Variants in ACSM6 observed in about 807,000 individuals in gnomAD.
ACSM6 encodes the protein acyl-CoA synthetase medium chain family member 6.
Under a neutral mutation model 51.1 loss-of-function variants are expected in ACSM6, and 35 were observed. That is an observed-to-expected ratio of 0.69 (90% CI 0.52 to 0.91). The LOEUF is 0.91. Ranked by LOEUF, ACSM6 falls within the 40% of genes least tolerant of loss-of-function variation. ACSM6 has a pLI of 0.00. For missense variants in ACSM6, 509 were observed against 584.1 expected, an observed-to-expected ratio of 0.87 and a Z score of 1.32; for synonymous variants, 172 against 207.3, an observed-to-expected ratio of 0.83 and a Z score of 1.46.
At chr10:95,222,356 C>T (rs982878691) in intron 9 of ACSM6, among the ~76,000 whole-genome samples, 1 of 152,130 alleles carries the variant, frequency 6.6e-6, no homozygotes, top group African/African-American at 2.4e-5. Context: ...GGCAAGGTGG[C>T]TTACACCCGT....
intron 9 of ACSM6, among the ~76,000 whole-genome samples, chr10:95,220,716 T>TTTG (rs1355146368): frequency 4.6e-5 from 7 of 152,204 alleles, no homozygotes; most frequent in African/African-American, 1.7e-4. Context: ...AGTTCTATTT[T>TTTG]TTGTTTTTTG....
intron 3 of ACSM6, 60 bp downstream of exon 3, chr10:95,202,255 A>T: frequency 7.3e-7 from 1 of 1,362,414 alleles, no homozygotes. Context: ...AGCCTCAGTT[A>T]TTCACAGAAT....
At position 95,218,317 on chromosome 10, in the gene ACSM6, C is replaced by G. The variant is rs565287930; in HGVS notation, c.1120-1574C>G. Among the ~76,000 whole-genome samples, 3 of 152,260 alleles carry G rather than the reference C, an allele frequency of 2.0e-5. No homozygotes were observed. In the East Asian group the frequency reaches 5.8e-4, roughly 29 times the overall value. ...GCTAAGGAGTCTTGTGTTTTGTGAG[C>G]ATTATTTGGGATGCAAGTGATGGAA... is the stretch of plus-strand genomic sequence containing the variant. On this transcript the variant is annotated intron_variant, in intron 8 of 10. Transcript: ENST00000341686.
At chr10:95,204,333 C>G (rs943671389) in intron 3 of ACSM6, among the ~76,000 whole-genome samples, 2 of 152,116 alleles carry the variant, frequency 1.3e-5, no homozygotes, top group African/African-American at 2.4e-5. Flanking sequence ...GGGAGGATCA[C>G]CTGAGGTGAG....
exon 9 of ACSM6, chr10:95,219,901 G>A: frequency 7.4e-6 from 12 of 1,613,552 alleles, no homozygotes; most frequent in Non-Finnish European, 1.0e-5. Flanking sequence ...GGTCTACTCT[G>A]TGCCACTTCC....
intron 4 of ACSM6, among the ~76,000 whole-genome samples, chr10:95,208,656 C>T (rs923366530): frequency 6.6e-6 from 1 of 152,146 alleles, no homozygotes; most frequent in Non-Finnish European, 1.5e-5. Context: ...ACAGAGATCA[C>T]ATTTGCATAA....
chr10:95,228,854 C>T (rs775299024), exon 11 of ACSM6: 580 of 1,337,974 alleles, frequency 4.3e-4, no homozygotes, highest in Non-Finnish European at 5.3e-4. Flanking sequence ...GCTTCCAATA[C>T]GTAGGAATTA....
intron 3 of ACSM6, among the ~76,000 whole-genome samples, chr10:95,202,938 CAAAAAAAA>C (rs35376103): frequency 4.7e-5 from 4 of 85,922 alleles, no homozygotes; most frequent in African/African-American, 1.8e-4. Context: ...GGCTCTGTCT[CAAAAAAAA>C]AAAAAAAAAA....
chr10:95,200,125 T>C (rs547455576), intron 2 of ACSM6, among the ~76,000 whole-genome samples: 1 of 152,142 alleles, frequency 6.6e-6, no homozygotes, highest in South Asian at 2.1e-4. Context: ...AGACTGGATT[T>C]AGAAAATGTG....
At chr10:95,223,914 C>T (rs2035015909) in intron 9 of ACSM6, among the ~76,000 whole-genome samples, 1 of 152,142 alleles carries the variant, frequency 6.6e-6, no homozygotes, top group African/African-American at 2.4e-5. Flanking sequence ...GGAATACACA[C>T]ACACTATTAG....
At chr10:95,224,480 G>T (rs1436242198) in intron 9 of ACSM6, among the ~76,000 whole-genome samples, 1 of 152,150 alleles carries the variant, frequency 6.6e-6, no homozygotes, top group Non-Finnish European at 1.5e-5. Context: ...GCAATGGCAT[G>T]ATCTTGGCCT....
intron 10 of ACSM6, among the ~76,000 whole-genome samples, chr10:95,227,485 T>C (rs1474985927): frequency 1.3e-5 from 2 of 152,226 alleles, no homozygotes; most frequent in African/African-American, 2.4e-5. Flanking sequence ...GGTAAAACGT[T>C]TTAAATATTT....
intron 9 of ACSM6, among the ~76,000 whole-genome samples, chr10:95,221,586 C>CA (rs373972717): frequency 3.4e-5 from 5 of 146,246 alleles, no homozygotes; most frequent in African/African-American, 5.1e-5. Context: ...AACTCCATCT[C>CA]AAAAAAAAAG....
exon 5 of ACSM6, chr10:95,210,682 C>A (rs777061002): frequency 1.1e-5 from 17 of 1,613,758 alleles, no homozygotes; most frequent in Middle Eastern, 3.3e-4. Context: ...TACATGAGGA[C>A]CAAAAGCCAA....
chr10:95,219,829 T>C (rs2034979500), intron 8 of ACSM6, 62 bp from the exon 9 acceptor site: 3 of 1,243,884 alleles, frequency 2.4e-6, no homozygotes, highest in African/African-American at 1.5e-5. Context: ...TTATGATCAA[T>C]AACTAGATCC....
intron 7 of ACSM6, among the ~76,000 whole-genome samples, chr10:95,213,569 A>C (rs887082957): frequency 6.6e-6 from 1 of 152,190 alleles, no homozygotes; most frequent in Admixed American, 6.5e-5. Flanking sequence ...ATTTTTAATC[A>C]TTGCATAGTA....
intron 2 of ACSM6, among the ~76,000 whole-genome samples, chr10:95,200,621 A>G (rs184893185): frequency 1.0e-5 from 1 of 95,516 alleles, no homozygotes; most frequent in East Asian, 2.0e-4. Flanking sequence ...GAAGGAGAAG[A>G]AGAAGAAGAC....
At chr10:95,213,797 A>G (rs2034918899) in intron 7 of ACSM6, among the ~76,000 whole-genome samples, 1 of 152,230 alleles carries the variant, frequency 6.6e-6, no homozygotes, top group South Asian at 2.1e-4. Flanking sequence ...CTAAATAATC[A>G]TTTAAGTGTA....
chr10:95,212,729 G>A (rs376530375), intron 6 of ACSM6, 129 bp from the exon 7 acceptor site: 4 of 678,032 alleles, frequency 5.9e-6, no homozygotes. Context: ...GAGATAAAAG[G>A]CATCCCCAAG....
Sources: allele counts gnomAD v4.1 joint callset (sites outside exome capture counted in the v4.1 genomes callset), GRCh38; gene constraint gnomAD v4.1.1; transcripts MANE v1.5; gene names NCBI Gene and HGNC (gene_info 2026-07-23, HGNC 2026-07-21).